Variants in LMX1A observed in about 807,000 individuals in gnomAD.
LMX1A encodes the protein LIM homeobox transcription factor 1 alpha.
Under a neutral mutation model 49.1 loss-of-function variants are expected in LMX1A, and 15 were observed. That is an observed-to-expected ratio of 0.31 (90% CI 0.20 to 0.47). LMX1A has a LOEUF of 0.47. Ranked by LOEUF, LMX1A falls within the 20% of genes least tolerant of loss-of-function variation. The probability of loss-of-function intolerance (pLI) is 1.00; values close to 1 mark genes in which losing one functional copy is unlikely to be tolerated. For missense variants in LMX1A, 372 were observed against 475.8 expected, an observed-to-expected ratio of 0.78 and a Z score of 2.03; for synonymous variants, 167 against 185.7, an observed-to-expected ratio of 0.90 and a Z score of 0.82.
intron 4 of LMX1A, among the ~76,000 whole-genome samples, chr1:165,219,453 G>A (rs765311461): frequency 7.6e-4 from 115 of 152,104 alleles, no homozygotes; most frequent in Non-Finnish European, 1.4e-3. Context: ...GTGGAGGGAG[G>A]AGGGAAAGAA....
intron 3 of LMX1A, among the ~76,000 whole-genome samples, chr1:165,276,043 C>A (rs373243008): frequency 2.0e-5 from 3 of 151,616 alleles, no homozygotes; most frequent in Non-Finnish European, 4.4e-5. Context: ...ACACCCCACC[C>A]GAGAGGCTGG....
intron 3 of LMX1A, among the ~76,000 whole-genome samples, chr1:165,337,692 G>A (rs183482984): frequency 6.6e-6 from 1 of 152,254 alleles, no homozygotes; most frequent in African/African-American, 2.4e-5. Flanking sequence ...CTTGTGGCTG[G>A]TTATCGCCGT....
At chr1:165,327,382 A>G (rs980964496) in intron 3 of LMX1A, among the ~76,000 whole-genome samples, 1 of 152,250 alleles carries the variant, frequency 6.6e-6, no homozygotes, top group Non-Finnish European at 1.5e-5. Context: ...ATGGACACCC[A>G]GAAAAAGCCC....
chr1:165,219,284 T>C (rs1651751605), intron 4 of LMX1A, among the ~76,000 whole-genome samples: 1 of 152,050 alleles, frequency 6.6e-6, no homozygotes, highest in Admixed American at 6.5e-5. Context: ...AAGAGATATC[T>C]GAGCTTGGCC....
At chr1:165,211,083 GTGCTTTAGCTATAAGCCA>G (rs1651364901) in intron 5 of LMX1A, 2 of 252,758 alleles carry the variant, frequency 7.9e-6, no homozygotes, top group East Asian at 1.6e-4. Context: ...GTCTATTGTT[GTGCTTTAGCTATAAGCCA>G]TGCATATGCA....
chr1:165,263,916 G>C (rs1652758742), intron 3 of LMX1A, among the ~76,000 whole-genome samples: 1 of 152,096 alleles, frequency 6.6e-6, no homozygotes. Flanking sequence ...TGACTACAAG[G>C]TAATACTACC....
At chr1:165,323,817 G>C (rs1472368121) in intron 3 of LMX1A, among the ~76,000 whole-genome samples, 1 of 151,116 alleles carries the variant, frequency 6.6e-6, no homozygotes, top group African/African-American at 2.4e-5. Context: ...TCACATCTGT[G>C]CTTTTTCTTC....
At chr1:165,213,566 T>G in intron 5 of LMX1A, 75 bp downstream of exon 5, 82 of 1,374,508 alleles carry the variant, frequency 6.0e-5, no homozygotes, top group Non-Finnish European at 7.0e-5. Context: ...CAATGCCCAC[T>G]GAGATCCCAG....
intron 4 of LMX1A, among the ~76,000 whole-genome samples, chr1:165,223,314 G>A (rs1504706): frequency 0.29 from 44,451 of 151,984 alleles, 7,107 homozygotes; most frequent in East Asian, 0.49. Context: ...TTGGCTGTTC[G>A]TGAACTTACC....
intron 3 of LMX1A, among the ~76,000 whole-genome samples, chr1:165,339,146 C>T (rs1655989549): frequency 6.6e-6 from 1 of 152,228 alleles, no homozygotes; most frequent in Non-Finnish European, 1.5e-5. Flanking sequence ...TAAAAACCCA[C>T]TGTTATCCAC....
At chr1:165,260,270 T>G (rs140290605) in intron 3 of LMX1A, among the ~76,000 whole-genome samples, 6 of 152,316 alleles carry the variant, frequency 3.9e-5, no homozygotes, top group African/African-American at 1.4e-4. Context: ...CCACAATTTT[T>G]GGCTTGGCTG....
intron 3 of LMX1A, among the ~76,000 whole-genome samples, chr1:165,338,435 A>C (rs1655967940): frequency 6.6e-6 from 1 of 152,172 alleles, no homozygotes; most frequent in Non-Finnish European, 1.5e-5. Context: ...GGTGATGGAG[A>C]GCATTTACCT....
chr1:165,326,616 T>A (rs796418674), intron 3 of LMX1A, among the ~76,000 whole-genome samples: 27 of 151,502 alleles, frequency 1.8e-4, no homozygotes, highest in Middle Eastern at 3.4e-3. Flanking sequence ...TTAAGAGGAG[T>A]TTCTAGACTG....
chr1:165,206,996 A>AG (rs1201887820), intron 7 of LMX1A, among the ~76,000 whole-genome samples: 3 of 152,164 alleles, frequency 2.0e-5, no homozygotes, highest in African/African-American at 7.2e-5. Flanking sequence ...GGCTCTGTTG[A>AG]GGGGCCAGAG....
intron 3 of LMX1A, among the ~76,000 whole-genome samples, chr1:165,305,712 C>T (rs1051529227): frequency 8.5e-5 from 13 of 152,212 alleles, no homozygotes; most frequent in Non-Finnish European, 1.8e-4. Flanking sequence ...CAGTATCCAA[C>T]TTGAATCTGG....
chr1:165,208,492 C>A (rs1651194416), intron 6 of LMX1A, among the ~76,000 whole-genome samples: 1 of 152,154 alleles, frequency 6.6e-6, no homozygotes, highest in South Asian at 2.1e-4. Flanking sequence ...ACGTATGGAA[C>A]AAGAGGTTGT....
At chr1:165,273,550 C>T (rs1279762261) in intron 3 of LMX1A, among the ~76,000 whole-genome samples, 17 of 152,066 alleles carry the variant, frequency 1.1e-4, no homozygotes, top group Admixed American at 9.8e-4. Flanking sequence ...ATATTGACCA[C>T]TTAAATATTA....
intron 3 of LMX1A, among the ~76,000 whole-genome samples, chr1:165,275,110 C>A (rs1234283620): frequency 2.0e-5 from 3 of 151,992 alleles, no homozygotes; most frequent in Non-Finnish European, 4.4e-5. Context: ...ATGAAAGGAA[C>A]CCTATGGTTT....
At chr1:165,279,059 A>C (rs1352758683) in intron 3 of LMX1A, among the ~76,000 whole-genome samples, 1 of 152,256 alleles carries the variant, frequency 6.6e-6, no homozygotes, top group Admixed American at 6.5e-5. Flanking sequence ...TCCAAAATTT[A>C]AAGTTAAACT....
Sources: allele counts gnomAD v4.1 joint callset (sites outside exome capture counted in the v4.1 genomes callset), GRCh38; gene constraint gnomAD v4.1.1; transcripts MANE v1.5; gene names NCBI Gene and HGNC (gene_info 2026-07-23, HGNC 2026-07-21).